PCDHGA4: variants seen among roughly 807,000 people sequenced by gnomAD.
PCDHGA4 encodes the protein protocadherin gamma-A4.
PCDHGA4 carries 38 observed loss-of-function variants against 54.6 expected under a neutral mutation model. The ratio of observed to expected loss-of-function variants is 0.70; its 90% confidence interval spans 0.54 to 0.91. PCDHGA4 has a LOEUF of 0.91. PCDHGA4 is among the 40% of genes least tolerant of loss of function. The pLI is 0.00. For synonymous variants in PCDHGA4, 511 were observed against 512.9 expected, an observed-to-expected ratio of 1.00 and a Z score of 0.05; for missense variants, 1,298 against 1,220.9, an observed-to-expected ratio of 1.06 and a Z score of -0.94.
At position 141,421,030 on chromosome 5, in the gene PCDHGA4, G is replaced by A. The variant is rs989158485; in HGVS notation, c.2514+63409G>A. The stretch of plus-strand genomic sequence containing the variant: ...GGAATGGGAAGCTGCGCGCCATTGA[G>A]TCCCTCCCTCCCCCGCCTCTACCAC... On this transcript the variant is annotated intron_variant, in intron 1 of 3. Coordinates refer to ENST00000571252, the MANE Select transcript of PCDHGA4 (RefSeq NM_018917.4). 39 of 532,352 alleles carry A rather than the reference G, an allele frequency of 7.3e-5. No homozygotes were observed. In the East Asian group the frequency reaches 1.2e-3, roughly 17 times the overall value. 33.0% of individuals were successfully genotyped at this position (532,352 alleles called of 1,614,324 possible). A position where few individuals can be genotyped will look rare whatever the true frequency, so the allele number is the denominator to read the frequency against.
chr5:141,446,275 A>G (rs1229842331), intron 1 of PCDHGA4, among the ~76,000 whole-genome samples: 1 of 152,156 alleles, frequency 6.6e-6, no homozygotes, highest in African/African-American at 2.4e-5. Flanking sequence ...GAATAAATAC[A>G]ATGGATAAAT....
chr5:141,491,152 G>A lies in PCDHGA4; in HGVS notation c.2515-3655G>A. 1 of 1,614,168 alleles carries A rather than the reference G, an allele frequency of 6.2e-7. No homozygotes were observed. The highest frequency in any genetic ancestry group is 8.5e-7 in the Non-Finnish European group (1 of 1,179,990). On this transcript the variant is annotated intron_variant, in intron 1 of 3. Transcript: ENST00000571252. The surrounding 1 kb of genome is among the most constrained non-coding windows in gnomAD (Gnocchi z 6.9). ...CACAGCCCGGGCCTTACTGGAGGAT[G>A]ACTCTGACACCCAGCAGGTGGTGGT...
intron 1 of PCDHGA4, chr5:141,372,050 G>A: frequency 6.2e-7 from 1 of 1,613,506 alleles, no homozygotes; most frequent in Non-Finnish European, 8.5e-7. Context: ...GCGTGTTGGT[G>A]GACGACCGCA....
intron 1 of PCDHGA4, chr5:141,360,688 A>G: frequency 6.2e-7 from 1 of 1,613,902 alleles, no homozygotes; most frequent in Non-Finnish European, 8.5e-7. Context: ...TGAGAAACAG[A>G]CTCCAGATGG....
At chr5:141,404,248 G>C (rs1404333144) in intron 1 of PCDHGA4, 10 of 1,613,694 alleles carry the variant, frequency 6.2e-6, no homozygotes, top group South Asian at 1.1e-5. Context: ...CTCCGCCCCT[G>C]TCCACAGAAA....
At chr5:141,403,319 G>A (rs776881134) in intron 1 of PCDHGA4, 2 of 1,613,954 alleles carry the variant, frequency 1.2e-6, no homozygotes, top group East Asian at 2.2e-5. Flanking sequence ...AGAAATAGAA[G>A]TAACTGATAT....
intron 1 of PCDHGA4, chr5:141,427,312 C>T (rs1438759401): frequency 4.4e-6 from 2 of 456,954 alleles, no homozygotes; most frequent in East Asian, 6.9e-5. Context: ...GACAATGCCC[C>T]AGACGTGGTT....
chr5:141,505,284 G>A, intron 2 of PCDHGA4, 109 bp from the exon 3 acceptor site: 1 of 1,548,402 alleles, frequency 6.5e-7, no homozygotes. Flanking sequence ...CAGGTCTTGG[G>A]CATGGGGTAG....
At chr5:141,394,459 G>T (rs761612403) in intron 1 of PCDHGA4, 1 of 1,614,238 alleles carries the variant, frequency 6.2e-7, no homozygotes, top group Non-Finnish European at 8.5e-7. Context: ...ATGTCACTGA[G>T]CCTGTTCGTG....
chr5:141,386,595 A>C (rs77368271), intron 1 of PCDHGA4, among the ~76,000 whole-genome samples: 1 of 146,110 alleles, frequency 6.8e-6, no homozygotes, highest in African/African-American at 2.5e-5. Context: ...TGGGGGATAC[A>C]TTTTTTTTTT....
chr5:141,429,851 TC>T (rs1447325775), intron 1 of PCDHGA4, among the ~76,000 whole-genome samples: 2 of 152,224 alleles, frequency 1.3e-5, no homozygotes, highest in African/African-American at 4.8e-5. Context: ...TCTGTAACAT[TC>T]TTTGGACTAC....
At chr5:141,425,353 T>C (rs868017955) in intron 1 of PCDHGA4, among the ~76,000 whole-genome samples, 2 of 152,296 alleles carry the variant, frequency 1.3e-5, no homozygotes, top group Middle Eastern at 3.4e-3. Context: ...CTTTGAAATG[T>C]GATATTAAGA....
At chr5:141,430,877 G>T in intron 1 of PCDHGA4, 1 of 1,600,796 alleles carries the variant, frequency 6.2e-7, no homozygotes. Flanking sequence ...GGAAGAGCTG[G>T]AGAAAGGCTC....
chr5:141,437,076 A>T (rs1018228245), intron 1 of PCDHGA4, among the ~76,000 whole-genome samples: 2 of 152,236 alleles, frequency 1.3e-5, no homozygotes, highest in African/African-American at 4.8e-5. Context: ...TTTGGGCCAT[A>T]TAAGAATTGA....
At chr5:141,362,612 G>T (rs774081313) in intron 1 of PCDHGA4, 1 of 1,553,624 alleles carries the variant, frequency 6.4e-7, no homozygotes, top group Admixed American at 1.9e-5. Flanking sequence ...CCTAATTTGG[G>T]TAGGAAGTTC....
chr5:141,377,398 G>A (rs1274775607), intron 1 of PCDHGA4: 1 of 152,106 alleles, frequency 6.6e-6, no homozygotes. Context: ...TTGAGACCAG[G>A]AGTTTGAGAC....
chr5:141,384,450 G>T (rs756281053), intron 1 of PCDHGA4: 1 of 1,614,042 alleles, frequency 6.2e-7, no homozygotes, highest in South Asian at 1.1e-5. Context: ...TGTACGCGCT[G>T]CAATCCTTTG....
rs1760117791 is a variant in PCDHGA4, at chr5:141,356,127, T to G, written c.1020T>G (p.Tyr340Ter). The G allele has an allele frequency of 1.2e-6, 2 of 1,613,754 alleles. No homozygotes were observed. Among genetic ancestry groups the G allele is most frequent in the African/African-American group, 2.7e-5 (2 of 74,928 alleles). Residue 340 changes from tyrosine to a stop codon, truncating the protein, a stop_gained, in exon 1 of 4, where the codon TAT becomes TAG. Transcript: ENST00000571252. LOFTEE classifies it high-confidence loss of function. ...TAACAATATTGGGGGGTCTAGATTA[T>G]GAGGACTCTGGATTCTATGACATAG... ...GDITILGGLD[Y>*]EDSGFYDIDV...
chr5:141,489,427 C>T lies in PCDHGA4; in HGVS notation c.2515-5380C>T, dbSNP rs370540900. 83 of 1,613,990 alleles carry T rather than the reference C, an allele frequency of 5.1e-5. No individual in the cohort carries two copies. The highest frequency in any genetic ancestry group is 8.3e-5 in the Admixed American group (5 of 59,996). On this transcript the variant is annotated intron_variant, in intron 1 of 3. Transcript: ENST00000571252. The surrounding 1 kb of genome is among the most constrained non-coding windows in gnomAD (Gnocchi z 4.5). ...AAAGATGACAGATCTGTTGAGCCGGCGGCTGCAATTGGGCTCTGAGGAGAA... is the reference window on the plus strand; with the variant it reads ...AAAGATGACAGATCTGTTGAGCCGGTGGCTGCAATTGGGCTCTGAGGAGAA...
Sources: gnomAD v4.1 joint callset for allele counts (sites outside exome capture counted in the v4.1 genomes callset) on GRCh38, gnomAD v4.1.1 for gene constraint, Gnocchi (gnomAD v3.1) non-coding constraint, MANE v1.5 for transcripts, NCBI Gene and HGNC (gene_info 2026-07-23, HGNC 2026-07-21) for gene names.